The following FRMD4A variants were observed in gnomAD, a reference collection of about 807,000 sequenced individuals.
FRMD4A encodes the protein FERM domain-containing protein 4A.
FRMD4A carries 29 observed loss-of-function variants against 129.1 expected under a neutral mutation model. That is an observed-to-expected ratio of 0.22 (90% CI 0.17 to 0.31). FRMD4A has a LOEUF of 0.31. Among genes scored for constraint, FRMD4A ranks in the 10% least tolerant of loss-of-function variants. The pLI is 1.00. For missense variants in FRMD4A, 1,272 were observed against 1,375.8 expected (o/e 0.92, Z 1.19); for synonymous variants, 634 against 571.6 (o/e 1.11, Z -1.56).
chr10:14,237,259 G>A (rs1843857982), intron 2 of FRMD4A, among the ~76,000 whole-genome samples: 1 of 152,108 alleles, frequency 6.6e-6, no homozygotes, highest in South Asian at 2.1e-4. Flanking sequence ...TGTGCTAGGT[G>A]CTGTTTCTTA....
At chr10:14,184,487 A>C (rs1243772529) in intron 2 of FRMD4A, among the ~76,000 whole-genome samples, 2 of 109,146 alleles carry the variant, frequency 1.8e-5, no homozygotes, top group African/African-American at 5.4e-5. Flanking sequence ...CTATTCTATT[A>C]TGTTAAAAAA....
rs1290294083 is a variant in FRMD4A, at chr10:13,832,138, C to T, written c.112-21230G>A. Among the ~76,000 whole-genome samples, 6 of 150,578 alleles carry T rather than the reference C, an allele frequency of 4.0e-5. No individual in the cohort carries two copies. In the East Asian group the frequency reaches 5.9e-4, roughly 15 times the overall value. On this transcript the variant is annotated intron_variant, in intron 3 of 24. Transcript: ENST00000357447. ...AACCAATGAATTACACCAAGAGAAC[C>T]GAGTTGCCGGCCCAGCTCACCGGGG...
At chr10:14,094,549 A>G (rs1836840831) in intron 2 of FRMD4A, among the ~76,000 whole-genome samples, 1 of 152,052 alleles carries the variant, frequency 6.6e-6, no homozygotes, top group African/African-American at 2.4e-5. Context: ...TGTTCCTCCA[A>G]CACCCAAACA....
intron 2 of FRMD4A, among the ~76,000 whole-genome samples, chr10:14,150,107 T>C (rs1396586050): frequency 6.6e-6 from 1 of 152,104 alleles, no homozygotes; most frequent in Admixed American, 6.5e-5. Context: ...CTCACTCTCA[T>C]GAGAACAGAA....
At chr10:13,875,496 G>T (rs767049543) in intron 2 of FRMD4A, among the ~76,000 whole-genome samples, 1 of 152,196 alleles carries the variant, frequency 6.6e-6, no homozygotes, top group Non-Finnish European at 1.5e-5. Context: ...AAATGTCAAA[G>T]TTGGGGTCAT....
intron 2 of FRMD4A, among the ~76,000 whole-genome samples, chr10:14,100,209 T>C (rs1293638415): frequency 6.6e-6 from 1 of 152,196 alleles, no homozygotes; most frequent in Non-Finnish European, 1.5e-5. Flanking sequence ...TAAAATCACT[T>C]ATCGCATGTG....
intron 2 of FRMD4A, among the ~76,000 whole-genome samples, chr10:14,248,091 C>T (rs996019262): frequency 6.6e-6 from 1 of 152,174 alleles, no homozygotes; most frequent in Non-Finnish European, 1.5e-5. Context: ...CCCAATTCCC[C>T]ACGTAACATG....
At chr10:13,956,839 G>T (rs1178438321) in intron 2 of FRMD4A, among the ~76,000 whole-genome samples, 1 of 152,148 alleles carries the variant, frequency 6.6e-6, no homozygotes, top group Non-Finnish European at 1.5e-5. Flanking sequence ...AAAACAAATG[G>T]GCTACTCCCT....
chr10:13,653,471 G>A (rs992987179), intron 23 of FRMD4A: 1 of 152,302 alleles, frequency 6.6e-6, no homozygotes, highest in Non-Finnish European at 1.5e-5. Flanking sequence ...CTGCAGTCTG[G>A]GCAACAGAGT....
chr10:14,007,436 T>C (rs1367417437), intron 2 of FRMD4A: 1 of 152,388 alleles, frequency 6.6e-6, no homozygotes, highest in Non-Finnish European at 1.5e-5. Context: ...ATTATTACTT[T>C]ATAGGATTTT....
At chr10:14,329,190 G>C (rs1288452601) in intron 2 of FRMD4A, among the ~76,000 whole-genome samples, 2 of 152,116 alleles carry the variant, frequency 1.3e-5, no homozygotes, top group Admixed American at 6.5e-5. Context: ...CTTATGCTTG[G>C]TTCATAAAAT....
chr10:14,008,106 A>G (rs1423246189), intron 2 of FRMD4A: 1 of 1,302,530 alleles, frequency 7.7e-7, no homozygotes, highest in Non-Finnish European at 1.0e-6. Flanking sequence ...AATTTTCAGT[A>G]AAAGTCTTTG....
intron 2 of FRMD4A, among the ~76,000 whole-genome samples, chr10:14,305,629 C>T (rs1846324190): frequency 6.6e-6 from 1 of 152,072 alleles, no homozygotes; most frequent in South Asian, 2.1e-4. Flanking sequence ...GACTGTTCTA[C>T]AGAGAGTGAG....
chr10:14,002,577 T>C (rs1020716541), intron 2 of FRMD4A, among the ~76,000 whole-genome samples: 4 of 152,186 alleles, frequency 2.6e-5, no homozygotes, highest in African/African-American at 9.7e-5. Flanking sequence ...CTAGTGGATA[T>C]TTATTGCACT....
intron 2 of FRMD4A, among the ~76,000 whole-genome samples, chr10:14,132,782 G>A (rs1243304768): frequency 6.6e-6 from 1 of 152,238 alleles, no homozygotes; most frequent in East Asian, 1.9e-4. Flanking sequence ...CAGAGGGCCT[G>A]CTGGTGGGAA....
intron 2 of FRMD4A, among the ~76,000 whole-genome samples, chr10:14,193,641 C>T (rs1270815189): frequency 1.3e-5 from 2 of 150,634 alleles, no homozygotes; most frequent in Admixed American, 1.3e-4. Context: ...GGCCTGGAAA[C>T]CAAGCAAAAA....
intron 3 of FRMD4A, among the ~76,000 whole-genome samples, chr10:13,839,658 G>A (rs896428608): frequency 2.6e-5 from 4 of 152,132 alleles, no homozygotes; most frequent in East Asian, 1.9e-4. Context: ...AAGACACACC[G>A]GCTCCAGGCT....
chr10:14,191,318 C>G (rs951436794), intron 2 of FRMD4A, among the ~76,000 whole-genome samples: 12 of 152,158 alleles, frequency 7.9e-5, no homozygotes, highest in Non-Finnish European at 1.5e-4. Flanking sequence ...TCTAAATGGA[C>G]ACACAACTCA....
intron 3 of FRMD4A, among the ~76,000 whole-genome samples, chr10:13,843,058 C>T (rs1215262047): frequency 1.3e-5 from 2 of 152,194 alleles, no homozygotes; most frequent in African/African-American, 2.4e-5. Context: ...GCTGCCTCTA[C>T]CTGTGAGCCT....
Sources: allele counts gnomAD v4.1 joint callset (sites outside exome capture counted in the v4.1 genomes callset), GRCh38; gene constraint gnomAD v4.1.1; transcripts MANE v1.5; gene names NCBI Gene and HGNC (gene_info 2026-07-23, HGNC 2026-07-21).